REV3L: variants seen among roughly 807,000 people sequenced by gnomAD.
REV3L encodes DNA polymerase zeta catalytic subunit.
In REV3L, 69 loss-of-function variants were observed where a neutral mutation model predicts 299.4. The ratio of observed to expected loss-of-function variants is 0.23; its 90% CI spans 0.19 to 0.28. REV3L has a LOEUF of 0.28. Among genes scored for constraint, REV3L ranks in the 10% least tolerant of loss-of-function variants. REV3L has a pLI of 1.00. For missense variants in REV3L, 3,128 were observed against 3,693.8 expected, an observed-to-expected ratio of 0.85 and a Z score of 3.97; for synonymous variants, 1,238 against 1,271.4, an observed-to-expected ratio of 0.97 and a Z score of 0.56.
chr6:111,455,239 A>G (rs1790033869), intron 1 of REV3L, among the ~76,000 whole-genome samples: 1 of 152,202 alleles, frequency 6.6e-6, no homozygotes, highest in Non-Finnish European at 1.5e-5. Context: ...AGAATTCACC[A>G]GTAGAAAAGG....
At position 111,374,838 on chromosome 6, in the gene REV3L, G is replaced by C. The variant is rs982072348; in HGVS notation, c.3517C>G (p.Gln1173Glu). The part of the protein sequence containing the change: ...RIGKTSRARA[Q>E]IKKSKAKLAN... ...AGCTTTGCTTTTGATTTCTTAATCT[G>C]TGCTCTTGCGCGACTAGTTTTTCCT... The change falls in exon 13 of 32, where the codon CAG becomes GAG. Residue 1173 changes from glutamine to glutamate, a missense_variant. This residue lies in a region of REV3L where 2,409 missense variants were observed against 2,611.8 expected (regional missense o/e 0.92). Coordinates refer to ENST00000368802, the MANE Select transcript of REV3L (RefSeq NM_001372078.1). 1 of 1,613,648 alleles carries C rather than the reference G, an allele frequency of 6.2e-7. No homozygotes were observed. Among genetic ancestry groups the C allele is most frequent in the Admixed American group, 1.7e-5 (1 of 59,962 alleles).
intron 1 of REV3L, among the ~76,000 whole-genome samples, chr6:111,482,007 C>T (rs1793746533): frequency 6.6e-6 from 1 of 152,126 alleles, no homozygotes; most frequent in South Asian, 2.1e-4. Flanking sequence ...ATAAATTCAC[C>T]CCATTAAGTG....
intron 1 of REV3L, among the ~76,000 whole-genome samples, chr6:111,437,862 T>C (rs1582992628): frequency 6.7e-6 from 1 of 150,008 alleles, no homozygotes; most frequent in Non-Finnish European, 1.5e-5. Flanking sequence ...ACTTACATAA[T>C]TTTTTTTTTG....
chr6:111,483,654 G>A (rs1794049318), upstream of REV3L: 2 of 425,612 alleles, frequency 4.7e-6, no homozygotes, highest in Admixed American at 2.6e-5. Flanking sequence ...CGCTGAGACG[G>A]TTTTTCACAA....
Position 111,300,266 on chromosome 6 carries a change from A to G in REV3L, c.9253-110T>C, listed in dbSNP as rs931508963. The G allele has an allele frequency of 4.0e-6, 3 of 750,946 alleles. 1 individual carries two copies. Among genetic ancestry groups the G allele is most frequent in the South Asian group, 5.5e-5 (2 of 36,696 alleles). The allele number at this position is 750,946 out of a possible 1,614,324, so 46.5% of individuals were successfully genotyped here. Reference sequence around the variant, plus strand: ...CTAGACTACCACAGATTACTGGCAGACATACATTACAGAAACTTTCATTAA... The same window carrying G: ...CTAGACTACCACAGATTACTGGCAGGCATACATTACAGAAACTTTCATTAA... On this transcript the variant is annotated intron_variant, in intron 31 of 31. Coordinates refer to ENST00000368802, the MANE Select transcript of REV3L (RefSeq NM_001372078.1).
At chr6:111,379,961 C>T (rs199814174) in intron 11 of REV3L, 21 bp downstream of exon 11, 279 of 1,401,618 alleles carry the variant, frequency 2.0e-4, no homozygotes, top group Non-Finnish European at 2.6e-4. Flanking sequence ...AATAAAACAA[C>T]TGCAATAACT....
intron 1 of REV3L, among the ~76,000 whole-genome samples, chr6:111,480,778 A>C (rs1243502289): frequency 6.6e-6 from 1 of 150,872 alleles, no homozygotes; most frequent in East Asian, 1.9e-4. Context: ...ATAAATTTCA[A>C]AGTATGTACC....
At chr6:111,483,251 G>C (rs978862113), upstream of REV3L, 1 of 484,656 alleles carries the variant, frequency 2.1e-6, no homozygotes, top group African/African-American at 2.0e-5. Context: ...GGAGAGGGGG[G>C]TGTGTGTGGC....
intron 25 of REV3L, among the ~76,000 whole-genome samples, chr6:111,326,948 C>A (rs894511903): frequency 6.6e-6 from 1 of 152,018 alleles, no homozygotes; most frequent in Non-Finnish European, 1.5e-5. Context: ...TGTACTGTTG[C>A]GAAGTTAGCA....
intron 1 of REV3L, chr6:111,431,356 C>T: frequency 1.0e-6 from 1 of 1,001,230 alleles, no homozygotes; most frequent in East Asian, 2.4e-5. Flanking sequence ...GATGTCTGGA[C>T]TCCAATACTT....
At chr6:111,478,445 C>G (rs570264650) in intron 1 of REV3L, among the ~76,000 whole-genome samples, 5 of 151,784 alleles carry the variant, frequency 3.3e-5, no homozygotes, top group African/African-American at 9.7e-5. Flanking sequence ...CCATAGCGTT[C>G]CTGAAAATCT....
chr6:111,430,670 A>T, intron 1 of REV3L: 1 of 1,522,678 alleles, frequency 6.6e-7, no homozygotes, highest in Non-Finnish European at 9.1e-7. Context: ...TGGAGATGCC[A>T]AAGCACACGC....
At position 111,373,223 on chromosome 6, in the gene REV3L, G is replaced by T. The variant is rs1488378906; in HGVS notation, c.5132C>A (p.Thr1711Asn). ...TCTAATCCATGAGGCTGAGTCTGTG[G>T]TATGATGCTTGTCTTCATCACATTT... ...NQKCDEDKHH[T>N]TDSASWIRSG... Residue 1711 changes from threonine to asparagine, a missense_variant, in exon 13 of 32, where the codon ACC (threonine) becomes AAC (asparagine). By Grantham distance (65) the Thr-to-Asn change is moderately conservative. Around this residue, in one of 9 missense-constraint regions of REV3L, gnomAD observed 2,409 missense variants for 2,611.8 expected, o/e 0.92. Coordinates refer to ENST00000368802, the MANE Select transcript of REV3L (RefSeq NM_001372078.1). The T allele has an allele frequency of 3.7e-6, 6 of 1,613,924 alleles. No homozygotes were observed. The African/African-American group carries it at 5.3e-5, about 14-fold the overall frequency.
chr6:111,357,833 C>G (rs1036563150), intron 17 of REV3L, among the ~76,000 whole-genome samples: 1 of 152,154 alleles, frequency 6.6e-6, no homozygotes, highest in African/African-American at 2.4e-5. Flanking sequence ...ACCACCACTT[C>G]TGCAGGAAAA....
At chr6:111,329,272 A>G (rs1775143061) in intron 25 of REV3L, among the ~76,000 whole-genome samples, 1 of 150,006 alleles carries the variant, frequency 6.7e-6, no homozygotes, top group Non-Finnish European at 1.5e-5. Flanking sequence ...GCGACTCCTG[A>G]CCTCATGTGA....
At chr6:111,477,352 C>A (rs1464589762) in intron 1 of REV3L, among the ~76,000 whole-genome samples, 1 of 152,178 alleles carries the variant, frequency 6.6e-6, no homozygotes, top group Non-Finnish European at 1.5e-5. Flanking sequence ...AGGTTACAAT[C>A]TATTTGGAAA....
intron 1 of REV3L, among the ~76,000 whole-genome samples, chr6:111,423,808 G>C (rs1266967460): frequency 6.6e-6 from 1 of 152,102 alleles, no homozygotes; most frequent in Admixed American, 6.6e-5. Context: ...AAGGCAGAAG[G>C]AATCAAAGAT....
Position 111,433,612 on chromosome 6 carries a change from T to C in REV3L, c.140-17140A>G, listed in dbSNP as rs117563975. Among the ~76,000 whole-genome samples, 1,246 of 152,242 alleles carry C rather than the reference T, an allele frequency of 8.2e-3. 5 individuals carry two copies. The highest frequency in any genetic ancestry group is 0.014 in the Middle Eastern group (4 of 294). On this transcript the variant is annotated intron_variant, in intron 1 of 31. Coordinates refer to ENST00000368802, the MANE Select transcript of REV3L (RefSeq NM_001372078.1). ...AGGACCTAATGGCTTCATTCCTAAA[T>C]TCCATCAAACATATAAAGAACTAAT...
intron 19 of REV3L, among the ~76,000 whole-genome samples, chr6:111,351,406 AT>A (rs1028898446): frequency 6.6e-6 from 1 of 152,216 alleles, no homozygotes; most frequent in African/African-American, 2.4e-5. Context: ...ATACGGTATG[AT>A]TATTTAAAAA....
Sources: allele counts gnomAD v4.1 joint callset (sites outside exome capture counted in the v4.1 genomes callset), GRCh38; gene constraint gnomAD v4.1.1; regional missense constraint gnomAD v4.1.1; transcripts MANE v1.5; gene names NCBI Gene and HGNC (gene_info 2026-07-23, HGNC 2026-07-21).